ROBO2: variants seen among roughly 807,000 people sequenced by gnomAD.
ROBO2 encodes the protein roundabout homolog 2.
In ROBO2, 53 loss-of-function variants were observed where a neutral mutation model predicts 160.8. The ratio of observed to expected loss-of-function variants is 0.33; its 90% confidence interval spans 0.26 to 0.41. ROBO2 has a LOEUF of 0.41. ROBO2 is among the 10% of genes least tolerant of loss of function. The probability of loss-of-function intolerance (pLI) is 1.00; values close to 1 mark genes in which losing one functional copy is unlikely to be tolerated. For missense variants in ROBO2, 1,577 were observed against 1,722.4 expected (o/e 0.92, Z 1.49); for synonymous variants, 664 against 611.7 (o/e 1.09, Z -1.26).
chr3:77,546,258 T>C, intron 6 of ROBO2, 80 bp from the exon 8 acceptor site: 1 of 1,469,350 alleles, frequency 6.8e-7, no homozygotes, highest in African/African-American at 1.4e-5. Context: ...ACAGTCAACA[T>C]AGTACCATAT....
chr3:76,647,403 G>C (rs763720405), intron 2 of ROBO2, among the ~76,000 whole-genome samples: 2 of 152,164 alleles, frequency 1.3e-5, no homozygotes, highest in Non-Finnish European at 2.9e-5. Context: ...AGAGGACAAA[G>C]CAGAAACGGG....
At chr3:76,315,471 A>G (rs2071937446) in intron 2 of ROBO2, among the ~76,000 whole-genome samples, 1 of 152,172 alleles carries the variant, frequency 6.6e-6, no homozygotes, top group African/African-American at 2.4e-5. Flanking sequence ...ATTTTAATTC[A>G]TGGTGCATTG....
At chr3:77,152,467 T>C (rs1342961205) in intron 2 of ROBO2, among the ~76,000 whole-genome samples, 1 of 152,232 alleles carries the variant, frequency 6.6e-6, no homozygotes, top group African/African-American at 2.4e-5. Context: ...TAGCCAGATT[T>C]TGGTGATCAA....
chr3:77,147,560 T>C (rs1194608568), intron 2 of ROBO2, among the ~76,000 whole-genome samples: 1 of 152,206 alleles, frequency 6.6e-6, no homozygotes, highest in Non-Finnish European at 1.5e-5. Flanking sequence ...ATTACCACCA[T>C]AATACTGAAA....
chr3:77,361,585 G>T (rs578031890), intron 2 of ROBO2, among the ~76,000 whole-genome samples: 1 of 152,206 alleles, frequency 6.6e-6, no homozygotes, highest in East Asian at 1.9e-4. Context: ...TCTGGTGAGG[G>T]TCTCTCCTTC....
At chr3:76,515,876 C>T (rs2081325396) in intron 2 of ROBO2, among the ~76,000 whole-genome samples, 3 of 152,134 alleles carry the variant, frequency 2.0e-5, no homozygotes, top group South Asian at 2.1e-4. Context: ...TATGGTCTCT[C>T]GATTCTTCAC....
At chr3:76,155,967 A>AT (rs2072390465) in intron 2 of ROBO2, among the ~76,000 whole-genome samples, 1 of 152,062 alleles carries the variant, frequency 6.6e-6, no homozygotes, top group South Asian at 2.1e-4. Context: ...GGTTATATAT[A>AT]TTTTTTCATC....
chr3:76,624,152 T>G (rs900655637), intron 2 of ROBO2, among the ~76,000 whole-genome samples: 2 of 152,244 alleles, frequency 1.3e-5, no homozygotes, highest in Non-Finnish European at 2.9e-5. Flanking sequence ...TGTATTAATT[T>G]CAACCATTAC....
Position 76,646,515 on chromosome 3 carries a change from C to G in ROBO2, c.110-451499C>G, listed in dbSNP as rs1217023283. 2.0e-5 allele frequency among the ~76,000 whole-genome samples: 3 copies of G among 152,282 alleles called. No homozygotes were observed. In the East Asian group the frequency reaches 5.8e-4, roughly 29 times the overall value. On this transcript the variant is annotated intron_variant, in intron 2 of 26. Transcript: ENST00000487694. ...ACTTAATTTCTGTAAGCCTTGTTCTCTCATTCATGAAATGTGAATAATAAA... is the reference window on the plus strand; with the variant it reads ...ACTTAATTTCTGTAAGCCTTGTTCTGTCATTCATGAAATGTGAATAATAAA...
In ROBO2 at chr3:76,155,662, G is replaced by T. The variant is rs371055905; in HGVS notation, c.109+218060G>T. ...ACAAAGTTCTTTCTTGACATGAGCTGCAGGTGCAAGTTTGCACGTCTTTAA... is the reference window on the plus strand; with the variant it reads ...ACAAAGTTCTTTCTTGACATGAGCTTCAGGTGCAAGTTTGCACGTCTTTAA... On this transcript the variant is annotated intron_variant, in intron 2 of 26. Coordinates refer to the ROBO2 transcript ENST00000487694. 3.3e-4 allele frequency among the ~76,000 whole-genome samples: 51 copies of T among 152,266 alleles called. No individual in the cohort carries two copies. In the South Asian group the frequency reaches 4.3e-3, roughly 13 times the overall value.
At chr3:76,945,944 T>C (rs1385531036) in intron 2 of ROBO2, among the ~76,000 whole-genome samples, 2 of 152,210 alleles carry the variant, frequency 1.3e-5, no homozygotes, top group Non-Finnish European at 2.9e-5. Flanking sequence ...TGGAACTCAT[T>C]ATGGGCTGTC....
intron 2 of ROBO2, among the ~76,000 whole-genome samples, chr3:76,559,793 A>T (rs1560148955): frequency 6.6e-6 from 1 of 152,132 alleles, no homozygotes; most frequent in Non-Finnish European, 1.5e-5. Flanking sequence ...ACCTGCACTG[A>T]CCTGACATTT....
intron 2 of ROBO2, among the ~76,000 whole-genome samples, chr3:76,004,624 C>G (rs2065972832): frequency 6.6e-6 from 1 of 152,100 alleles, no homozygotes; most frequent in African/African-American, 2.4e-5. Context: ...TCTCCGGGGT[C>G]TCTTATAAAA....
At chr3:77,258,538 G>A (rs1037306011) in intron 2 of ROBO2, among the ~76,000 whole-genome samples, 7 of 150,840 alleles carry the variant, frequency 4.6e-5, no homozygotes, top group Non-Finnish European at 1.0e-4. Flanking sequence ...AACAAGAATC[G>A]TTTGAACCCG....
At chr3:77,340,437 T>C (rs957903965) in intron 2 of ROBO2, among the ~76,000 whole-genome samples, 4 of 152,156 alleles carry the variant, frequency 2.6e-5, no homozygotes, top group Admixed American at 2.0e-4. Context: ...AATAGGTAAG[T>C]GATTCTTGTT....
chr3:77,345,813 A>G (rs2067571296), intron 2 of ROBO2, among the ~76,000 whole-genome samples: 1 of 152,124 alleles, frequency 6.6e-6, no homozygotes, highest in African/African-American at 2.4e-5. Flanking sequence ...ATACTCTTCA[A>G]TTTATTACTG....
chr3:76,464,347 T>C (rs995686971), intron 2 of ROBO2, among the ~76,000 whole-genome samples: 4 of 152,152 alleles, frequency 2.6e-5, no homozygotes, highest in Admixed American at 2.0e-4. Context: ...TTTCCCAGGT[T>C]TTTTATCTTA....
intron 2 of ROBO2, among the ~76,000 whole-genome samples, chr3:75,966,279 A>T (rs200787650): frequency 1.4e-5 from 2 of 139,624 alleles, no homozygotes; most frequent in Non-Finnish European, 3.2e-5. Flanking sequence ...GTTTTTTTTT[A>T]AAGAGACATA....
chr3:77,558,253 C>G, intron 9 of ROBO2, 104 bp downstream of exon 10: 1 of 910,414 alleles, frequency 1.1e-6, no homozygotes. Flanking sequence ...AGTATAATTG[C>G]TGCACGTTTA....
Sources: allele counts gnomAD v4.1 joint callset (sites outside exome capture counted in the v4.1 genomes callset), GRCh38; gene constraint gnomAD v4.1.1; transcripts MANE v1.5; gene names NCBI Gene and HGNC (gene_info 2026-07-23, HGNC 2026-07-21).